The following PCDHGA9 variants were observed in gnomAD, a reference collection of about 807,000 sequenced individuals.
The protein encoded by PCDHGA9 is protocadherin gamma subfamily A, 9.
A neutral mutation model predicts 62.5 loss-of-function variants in PCDHGA9; 37 were observed. The ratio of observed to expected loss-of-function variants is 0.59; its 90% confidence interval spans 0.46 to 0.78. The LOEUF (loss-of-function observed/expected upper bound fraction) is 0.78, where lower values mean the gene tolerates loss of function less well. Among genes scored for constraint, PCDHGA9 ranks in the 30% least tolerant of loss-of-function variants. The pLI, the probability that PCDHGA9 is intolerant of heterozygous loss-of-function variation, is 0.00. For missense variants in PCDHGA9, 1,138 were observed against 1,166.2 expected, an observed-to-expected ratio of 0.98 and a Z score of 0.35; for synonymous variants, 459 against 484.6, an observed-to-expected ratio of 0.95 and a Z score of 0.69.
At chr5:141,416,846 A>G (rs1412860680) in intron 1 of PCDHGA9, 2 of 152,120 alleles carry the variant, frequency 1.3e-5, no homozygotes, top group Non-Finnish European at 2.9e-5. Flanking sequence ...TTATAATTCC[A>G]TGATTTTTTT....
intron 1 of PCDHGA9, among the ~76,000 whole-genome samples, chr5:141,488,802 A>G (rs910422824): frequency 2.0e-5 from 3 of 152,294 alleles, no homozygotes; most frequent in Middle Eastern, 3.4e-3. Flanking sequence ...CCTGTTGAGT[A>G]CCATCTGAGC....
intron 1 of PCDHGA9, chr5:141,440,448 A>G (rs2098178859): frequency 6.6e-6 from 1 of 152,168 alleles, no homozygotes; most frequent in East Asian, 1.9e-4. Context: ...CGCCATCTCA[A>G]AAAAAATGAA....
At position 141,432,307 on chromosome 5, in the gene PCDHGA9, G is replaced by A. The variant is rs2097484688; in HGVS notation, c.2424+26931G>A. On this transcript the variant is annotated intron_variant, in intron 1 of 3. Transcript: ENST00000573521. The surrounding 1 kb of genome is among the most constrained non-coding windows in gnomAD (Gnocchi z 6.0). ...ACTCCGACACTGGGGTACTGTATGC[G>A]CTGAGCTCCTTCGACTACGAGCAGT... The A allele has an allele frequency of 5.0e-6, 8 of 1,614,240 alleles. No individual in the cohort carries two copies. Among genetic ancestry groups the A allele is most frequent in the South Asian group, 1.1e-5 (1 of 91,086 alleles).
chr5:141,435,952 G>A lies in PCDHGA9; in HGVS notation c.2424+30576G>A, dbSNP rs944960593. ...TTGCTGCTTCTGAGACCAAAAAAGG[G>A]GGCAAAATATAGAGTGTGTGGTTCT... is the stretch of plus-strand genomic sequence containing the variant. On this transcript the variant is annotated intron_variant, in intron 1 of 3. Transcript: ENST00000573521. Among the ~76,000 whole-genome samples the A allele has an allele frequency of 2.6e-5, 4 of 152,098 alleles. No individual in the cohort carries two copies. The South Asian group carries it at 8.3e-4, about 32-fold the overall frequency.
rs1280755615 is a variant in PCDHGA9 at position 141,431,629 on chromosome 5, A to C, written c.2424+26253A>C. On this transcript the variant is annotated intron_variant, in intron 1 of 3. Transcript: ENST00000573521. This position sits in a 1 kb window ranked among gnomAD's most constrained non-coding sequence, Gnocchi z 4.8. ...GGTATGTGGACGACAAGGCGGCCCA[A>C]GTTTTCAAACTAGATTGTAATTCAG... 6.2e-7 allele frequency: 1 copy of C among 1,614,246 alleles called. No individual in the cohort carries two copies. Among genetic ancestry groups the C allele is most frequent in the South Asian group, 1.1e-5 (1 of 91,090 alleles).
At chr5:141,496,733 C>T (rs1221912777) in intron 2 of PCDHGA9, among the ~76,000 whole-genome samples, 12 of 152,138 alleles carry the variant, frequency 7.9e-5, no homozygotes, top group African/African-American at 9.7e-5. Context: ...TGTATTCATT[C>T]GTTCATTTAT....
chr5:141,463,467 G>A (rs200270457), intron 1 of PCDHGA9, among the ~76,000 whole-genome samples: 2,116 of 11,250 alleles, frequency 0.19, 39 homozygotes, highest in East Asian at 0.24. Context: ...TTTTTTTTTT[G>A]AGATGGAGTC....
chr5:141,496,160 G>C (rs1428576442), intron 2 of PCDHGA9, among the ~76,000 whole-genome samples: 2 of 151,600 alleles, frequency 1.3e-5, no homozygotes, highest in Admixed American at 6.6e-5. Flanking sequence ...CTCTCCACCA[G>C]ACACCCTCCC....
In PCDHGA9 at chr5:141,489,684, T is replaced by A; in HGVS notation, c.2425-5123T>A. 1 of 1,614,180 alleles carries A rather than the reference T, an allele frequency of 6.2e-7. No homozygotes were observed. Among genetic ancestry groups the A allele is most frequent in the South Asian group, 1.1e-5 (1 of 91,078 alleles). ...TGCGCATCTCAGAATCAGCAGCATC[T>A]GGGGCACGATTCCCACTGGACAGTG... On this transcript the variant is annotated intron_variant, in intron 1 of 3. Transcript: ENST00000573521. This position sits in a 1 kb window ranked among gnomAD's most constrained non-coding sequence, Gnocchi z 4.5.
chr5:141,492,458 G>A (rs1333043781), intron 1 of PCDHGA9, among the ~76,000 whole-genome samples: 1 of 152,230 alleles, frequency 6.6e-6, no homozygotes, highest in Non-Finnish European at 1.5e-5. Flanking sequence ...GTGCGCGCCT[G>A]AGGGTCCCAG....
chr5:141,505,143 C>G lies in PCDHGA9; in HGVS notation c.2484-250C>G, dbSNP rs578261428. ...CGCCACTGCACTCCAGCCTGGATGA[C>G]AGAGTAAGACCCTGTCTAAAACAAA... On this transcript the variant is annotated intron_variant, in intron 2 of 3. Coordinates refer to ENST00000573521, the MANE Select transcript of PCDHGA9 (RefSeq NM_018921.3). Among the ~76,000 whole-genome samples the G allele has an allele frequency of 3.3e-5, 5 of 152,290 alleles. No homozygotes were observed. The East Asian group carries it at 7.7e-4, about 24-fold the overall frequency.
chr5:141,458,413 G>T lies in PCDHGA9; in HGVS notation c.2425-36394G>T, dbSNP rs138479316. On this transcript the variant is annotated intron_variant, in intron 1 of 3. Coordinates refer to ENST00000573521, the MANE Select transcript of PCDHGA9 (RefSeq NM_018921.3). ...TCCCCCTTGCAGAGACGGAGCGGGG[G>T]TTCCAAAGCTGAAAGAGGAGGTCCC... Among the ~76,000 whole-genome samples the T allele has an allele frequency of 9.0e-4, 137 of 152,196 alleles. 5 individuals carry two copies. The East Asian group carries it at 0.026, about 28-fold the overall frequency.
In PCDHGA9 at chr5:141,404,457, C is replaced by A; in HGVS notation, c.1505C>A (p.Ser502Tyr). The A allele has an allele frequency of 1.2e-6, 2 of 1,612,824 alleles. No homozygotes were observed. The highest frequency in any genetic ancestry group is 1.7e-6 in the Non-Finnish European group (2 of 1,178,898). The change falls in exon 1 of 4, where the codon TCC becomes TAC. Residue 502 changes from serine to tyrosine, a missense_variant. By Grantham distance (144) the Ser-to-Tyr change is moderately radical (BLOSUM62 -2). Coordinates refer to ENST00000573521, the MANE Select transcript of PCDHGA9 (RefSeq NM_018921.3). ...GATACCATCCAAGGGTCTCCTCTCT[C>A]CACCTATGTCTCTATTAACTCAGAC... The part of the protein sequence containing the change: ...AEDTIQGSPL[S>Y]TYVSINSDTG...
intron 2 of PCDHGA9, among the ~76,000 whole-genome samples, chr5:141,500,877 A>AT (rs369345007): frequency 0.053 from 6,532 of 122,188 alleles, 326 homozygotes; most frequent in Admixed American, 0.19. Context: ...TTCATTTACA[A>AT]TTTTTTTTTT....
intron 2 of PCDHGA9, among the ~76,000 whole-genome samples, chr5:141,502,296 G>A (rs758304596): frequency 7.9e-5 from 12 of 151,130 alleles, no homozygotes; most frequent in Non-Finnish European, 1.2e-4. Context: ...TGGTTGTCAC[G>A]TCTTTCCTCT....
chr5:141,438,180 A>G (rs2097937602), intron 1 of PCDHGA9, among the ~76,000 whole-genome samples: 1 of 152,204 alleles, frequency 6.6e-6, no homozygotes, highest in African/African-American at 2.4e-5. Context: ...AATATTTTAT[A>G]AAGGATGAGA....
rs567174433 is a variant in PCDHGA9, at chr5:141,443,351, G to A, written c.2424+37975G>A. On this transcript the variant is annotated intron_variant, in intron 1 of 3. Coordinates refer to ENST00000573521, the MANE Select transcript of PCDHGA9 (RefSeq NM_018921.3). ...AAAACAAAAATTAACAAGGTTTAGT[G>A]GTCCATGCCTGTGGTCTCAGCTACT... 6.6e-5 allele frequency among the ~76,000 whole-genome samples: 10 copies of A among 152,072 alleles called. No homozygotes were observed. The South Asian group carries it at 2.1e-3, about 32-fold the overall frequency.
intron 1 of PCDHGA9, chr5:141,418,934 G>T (rs1163951447): frequency 6.2e-7 from 1 of 1,614,056 alleles, no homozygotes; most frequent in African/African-American, 1.3e-5. Context: ...GATTATGGAG[G>T]ATTCCCCTCC....
In PCDHGA9 at chr5:141,431,213, TTCCC is replaced by T. The variant is rs1373533151; in HGVS notation, c.2424+25840_2424+25843del. 1 of 1,614,142 alleles carries T rather than the reference TTCCC, an allele frequency of 6.2e-7. No homozygotes were observed. Among genetic ancestry groups the T allele is most frequent in the Admixed American group, 1.7e-5 (1 of 60,020 alleles). On this transcript the variant is annotated intron_variant, in intron 1 of 3. Transcript: ENST00000573521. This position sits in a 1 kb window ranked among gnomAD's most constrained non-coding sequence, Gnocchi z 4.8. ...TGAAAATGCAGCCACTGAGATGCGGTTCCCTCTACCCCACGCCTGGGATCCGGAT... is the reference window on the plus strand; with the variant it reads ...TGAAAATGCAGCCACTGAGATGCGGTTCTACCCCACGCCTGGGATCCGGAT...
Sources: allele counts gnomAD v4.1 joint callset (sites outside exome capture counted in the v4.1 genomes callset), GRCh38; gene constraint gnomAD v4.1.1; non-coding constraint Gnocchi (gnomAD v3.1); transcripts MANE v1.5; gene names NCBI Gene and HGNC (gene_info 2026-07-23, HGNC 2026-07-21).